Variants in SLC9A9 observed in about 807,000 individuals in gnomAD.
The protein encoded by SLC9A9 is sodium/hydrogen exchanger 9.
Under a neutral mutation model 77.8 loss-of-function variants are expected in SLC9A9, and 62 were observed. That is an observed-to-expected ratio of 0.80 (90% confidence interval 0.65 to 0.98). The LOEUF is 0.98. SLC9A9 is among the 50% of genes least tolerant of loss of function. The pLI is 0.00. For missense variants in SLC9A9, 775 were observed against 774.9 expected (o/e 1.00, Z 0.00); for synonymous variants, 320 against 283.5 (o/e 1.13, Z -1.29).
intron 14 of SLC9A9, among the ~76,000 whole-genome samples, chr3:143,274,550 C>T (rs1937991197): frequency 6.6e-6 from 1 of 152,122 alleles, no homozygotes; most frequent in Admixed American, 6.5e-5. Flanking sequence ...CCCACTACGG[C>T]TAATTTCAAG....
At chr3:143,475,803 A>T (rs1386568735) in intron 11 of SLC9A9, among the ~76,000 whole-genome samples, 6 of 151,286 alleles carry the variant, frequency 4.0e-5, no homozygotes, top group African/African-American at 1.5e-4. Flanking sequence ...AAAAAAAAAA[A>T]AAAGTACAAT....
intron 14 of SLC9A9, among the ~76,000 whole-genome samples, chr3:143,281,710 A>G (rs986627885): frequency 1.3e-5 from 2 of 152,202 alleles, no homozygotes; most frequent in South Asian, 4.1e-4. Flanking sequence ...TGTTTTGTCA[A>G]TAGGCCTATG....
intron 13 of SLC9A9, among the ~76,000 whole-genome samples, chr3:143,374,942 T>A (rs1018095759): frequency 1.3e-5 from 2 of 152,174 alleles, no homozygotes; most frequent in African/African-American, 4.8e-5. Flanking sequence ...CCTACTACTC[T>A]TCCTAGACAC....
chr3:143,305,260 T>C (rs1315713100), intron 14 of SLC9A9, among the ~76,000 whole-genome samples: 7 of 152,202 alleles, frequency 4.6e-5, no homozygotes, highest in African/African-American at 1.7e-4. Flanking sequence ...TTCCCTCCTC[T>C]TAACCCCCTC....
chr3:143,727,965 A>G (rs937275123), intron 4 of SLC9A9, among the ~76,000 whole-genome samples: 2 of 152,200 alleles, frequency 1.3e-5, no homozygotes, highest in Non-Finnish European at 2.9e-5. Context: ...AGTCACAGTT[A>G]TGGCTAGGCT....
intron 13 of SLC9A9, among the ~76,000 whole-genome samples, chr3:143,368,617 CAAAT>C (rs1300421816): frequency 6.6e-6 from 1 of 152,108 alleles, no homozygotes; most frequent in East Asian, 1.9e-4. Context: ...ATAACAAAGA[CAAAT>C]AATTATCATA....
At chr3:143,318,081 A>G (rs1354124972) in intron 14 of SLC9A9, among the ~76,000 whole-genome samples, 1 of 152,062 alleles carries the variant, frequency 6.6e-6, no homozygotes, top group African/African-American at 2.4e-5. Flanking sequence ...TTGCATCCCA[A>G]TGGGATTTCT....
At chr3:143,817,743 T>G (rs1432825205) in intron 2 of SLC9A9, among the ~76,000 whole-genome samples, 1 of 152,164 alleles carries the variant, frequency 6.6e-6, no homozygotes, top group Admixed American at 6.5e-5. Flanking sequence ...TCTTCTGCCA[T>G]TTTCCAGTGC....
chr3:143,337,486 G>A (rs758039154), intron 14 of SLC9A9, among the ~76,000 whole-genome samples: 7 of 152,142 alleles, frequency 4.6e-5, no homozygotes, highest in Non-Finnish European at 7.4e-5. Context: ...CATGTCCCCT[G>A]ATGCAGTCAG....
At chr3:143,615,832 A>C (rs2038094644) in intron 6 of SLC9A9, among the ~76,000 whole-genome samples, 1 of 152,244 alleles carries the variant, frequency 6.6e-6, no homozygotes, top group African/African-American at 2.4e-5. Context: ...GCACAGTGTA[A>C]ATAACAAAAG....
chr3:143,333,728 A>C (rs1451796019), intron 14 of SLC9A9, among the ~76,000 whole-genome samples: 1 of 152,260 alleles, frequency 6.6e-6, no homozygotes, highest in Non-Finnish European at 1.5e-5. Context: ...AGATTGTATT[A>C]ATTCCTAGAA....
At chr3:143,848,022 T>A (rs1576769648) in intron 1 of SLC9A9, 126 bp downstream of exon 1, 2 of 1,001,566 alleles carry the variant, frequency 2.0e-6, no homozygotes, top group South Asian at 2.7e-5. Flanking sequence ...GCAGCACCTT[T>A]CATCAAACTA....
chr3:143,612,608 T>C (rs2108701020), intron 6 of SLC9A9, among the ~76,000 whole-genome samples: 1 of 152,334 alleles, frequency 6.6e-6, no homozygotes, highest in East Asian at 1.9e-4. Flanking sequence ...ACTATGTGTA[T>C]TTTCATTTCA....
chr3:143,289,743 T>C lies in SLC9A9; in HGVS notation c.1605-20763A>G, dbSNP rs145230740. On this transcript the variant is annotated intron_variant, in intron 14 of 15. Coordinates refer to ENST00000316549, the MANE Select transcript of SLC9A9 (RefSeq NM_173653.4). Reference sequence around the variant, plus strand: ...CTGCTGCCAGCACCCCTCCCTTAGGTGGCTGCAACCACCTTCTCACTGGTC... The same window carrying C: ...CTGCTGCCAGCACCCCTCCCTTAGGCGGCTGCAACCACCTTCTCACTGGTC... 8.9e-3 allele frequency among the ~76,000 whole-genome samples: 1,348 copies of C among 152,234 alleles called. 27 individuals are homozygous for C. Among genetic ancestry groups the C allele is most frequent in the South Asian group, 0.071 (343 of 4,814 alleles).
chr3:143,732,840 A>C (rs748976153), intron 4 of SLC9A9, among the ~76,000 whole-genome samples: 1 of 152,202 alleles, frequency 6.6e-6, no homozygotes, highest in Non-Finnish European at 1.5e-5. Context: ...TCAGAGAAAT[A>C]AAAGTGGTAA....
intron 2 of SLC9A9, among the ~76,000 whole-genome samples, chr3:143,803,206 C>G (rs1216132342): frequency 6.6e-6 from 1 of 152,198 alleles, no homozygotes; most frequent in South Asian, 2.1e-4. Flanking sequence ...CCTAATCCCC[C>G]CTCTTCCTCC....
intron 8 of SLC9A9, among the ~76,000 whole-genome samples, chr3:143,573,545 G>C (rs530286607): frequency 7.9e-5 from 12 of 152,200 alleles, no homozygotes; most frequent in African/African-American, 2.9e-4. Flanking sequence ...TTCCACCTTA[G>C]AGGACTCTCT....
chr3:143,569,196 A>G (rs2037219789), intron 8 of SLC9A9, among the ~76,000 whole-genome samples: 1 of 151,834 alleles, frequency 6.6e-6, no homozygotes, highest in Non-Finnish European at 1.5e-5. Flanking sequence ...CATCAGGAAT[A>G]ATAAATACAC....
intron 12 of SLC9A9, among the ~76,000 whole-genome samples, chr3:143,458,790 A>C (rs2035137711): frequency 6.6e-6 from 1 of 152,098 alleles, no homozygotes; most frequent in Non-Finnish European, 1.5e-5. Context: ...CATATTTTTA[A>C]AACCTTAAGA....
Sources: gnomAD v4.1 joint callset for allele counts (sites outside exome capture counted in the v4.1 genomes callset) on GRCh38, gnomAD v4.1.1 for gene constraint, MANE v1.5 for transcripts, NCBI Gene and HGNC (gene_info 2026-07-23, HGNC 2026-07-21) for gene names.